Variants in PHACTR3 observed in about 807,000 individuals in gnomAD.
PHACTR3 encodes the protein phosphatase and actin regulator 3.
In PHACTR3, 16 loss-of-function variants were observed where a neutral mutation model predicts 66.8. The observed-to-expected ratio is 0.24, with a 90% CI of 0.16 to 0.36. The LOEUF is 0.36. Among genes scored for constraint, PHACTR3 ranks in the 10% least tolerant of loss-of-function variants. The pLI, the probability that PHACTR3 is intolerant of heterozygous loss-of-function variation, is 1.00. For missense variants in PHACTR3, 647 were observed against 719.9 expected (o/e 0.90, Z 1.16); for synonymous variants, 323 against 292.1 (o/e 1.11, Z -1.08).
At chr20:59,673,576 T>A (rs893483693) in intron 1 of PHACTR3, among the ~76,000 whole-genome samples, 1 of 152,092 alleles carries the variant, frequency 6.6e-6, no homozygotes, top group Non-Finnish European at 1.5e-5. Context: ...TGGCAGCACC[T>A]GGGGCTCCCA....
At chr20:59,717,966 A>G (rs1184937907) in intron 1 of PHACTR3, among the ~76,000 whole-genome samples, 2 of 152,332 alleles carry the variant, frequency 1.3e-5, no homozygotes, top group East Asian at 3.9e-4. Context: ...AGGTTCACAG[A>G]TACAGCTAAG....
Position 59,785,862 on chromosome 20 carries a change from CTT to C in PHACTR3, c.1174+11373_1174+11374del, listed in dbSNP as rs1491280843. Among the ~76,000 whole-genome samples the C allele has an allele frequency of 6.4e-3, 962 of 150,396 alleles. 8 individuals are homozygous for C. Among genetic ancestry groups the C allele is most frequent in the African/African-American group, 0.022 (896 of 40,282 alleles). ...TTCCAGCAGCCCTCTGCATCCCCTG[CTT>C]CTGCATCCCCTACTTCATTTTGTTT... On this transcript the variant is annotated intron_variant, in intron 7 of 12. Coordinates refer to ENST00000371015, the MANE Select transcript of PHACTR3 (RefSeq NM_080672.5).
At chr20:59,828,670 C>A (rs2042261747) in intron 8 of PHACTR3, among the ~76,000 whole-genome samples, 1 of 151,862 alleles carries the variant, frequency 6.6e-6, no homozygotes, top group Admixed American at 6.6e-5. Flanking sequence ...TTGGTAAATG[C>A]AGCTCGACGT....
rs150726375 is a variant in PHACTR3 at position 59,732,869 on chromosome 20, G to C, written c.119-10238G>C. ...AGGAGGAAGCGGACCCTAAGTCTAG[G>C]AATTGCATTGTGCAGTTGTTGAGGT... On this transcript the variant is annotated intron_variant, in intron 1 of 12. Transcript: ENST00000371015. Among the ~76,000 whole-genome samples, 433 of 152,206 alleles carry C rather than the reference G, an allele frequency of 2.8e-3. 1 individual carries two copies. Among genetic ancestry groups the C allele is most frequent in the Admixed American group, 0.021 (323 of 15,298 alleles).
chr20:59,752,350 C>T (rs564898330), intron 3 of PHACTR3, among the ~76,000 whole-genome samples: 2 of 152,226 alleles, frequency 1.3e-5, no homozygotes, highest in Admixed American at 6.5e-5. Flanking sequence ...CACTGCCCCG[C>T]GCTCCCCTCT....
chr20:59,598,587 A>G (rs1379509461), intron 1 of PHACTR3, among the ~76,000 whole-genome samples: 1 of 152,216 alleles, frequency 6.6e-6, no homozygotes, highest in African/African-American at 2.4e-5. Context: ...GGCAGAGGCC[A>G]TGAATGGTGA....
intron 1 of PHACTR3, among the ~76,000 whole-genome samples, chr20:59,666,210 G>A (rs993297765): frequency 2.6e-5 from 4 of 152,178 alleles, no homozygotes; most frequent in Non-Finnish European, 5.9e-5. Context: ...CACCCCATGG[G>A]GTTAGCTCCA....
intron 1 of PHACTR3, among the ~76,000 whole-genome samples, chr20:59,721,739 T>C (rs563388246): frequency 6.6e-6 from 1 of 152,248 alleles, no homozygotes; most frequent in Admixed American, 6.5e-5. Flanking sequence ...GCCTGGGGGC[T>C]TCCCATCCTG....
At chr20:59,657,101 A>G (rs1446007785) in intron 1 of PHACTR3, among the ~76,000 whole-genome samples, 1 of 151,952 alleles carries the variant, frequency 6.6e-6, no homozygotes, top group Non-Finnish European at 1.5e-5. Context: ...CTTTTAATTT[A>G]CCATTTCCGG....
At chr20:59,670,005 A>G (rs2036136975) in intron 1 of PHACTR3, among the ~76,000 whole-genome samples, 2 of 152,152 alleles carry the variant, frequency 1.3e-5, no homozygotes, top group African/African-American at 4.8e-5. Flanking sequence ...GTGCCCAGTG[A>G]ATATTTATTG....
chr20:59,751,759 G>T (rs948320916), intron 3 of PHACTR3, among the ~76,000 whole-genome samples: 1 of 152,076 alleles, frequency 6.6e-6, no homozygotes, highest in Admixed American at 6.5e-5. Context: ...TACATGACTA[G>T]ATGTGTGCAG....
At chr20:59,697,449 A>C (rs2037340361) in intron 1 of PHACTR3, among the ~76,000 whole-genome samples, 1 of 152,192 alleles carries the variant, frequency 6.6e-6, no homozygotes, top group African/African-American at 2.4e-5. Flanking sequence ...GGCCCCTAAC[A>C]AATGTCAAAG....
rs2042292325 is a variant in PHACTR3 at position 59,829,635 on chromosome 20, G to T, written c.1329-6870G>T. ...GCTGGGGAATCCCATCTCCAGGCGG[G>T]GGCCGCCAGCTTTTCTCAGTGACTC... On this transcript the variant is annotated intron_variant, in intron 8 of 12. Transcript: ENST00000371015. This position sits in a 1 kb window ranked among gnomAD's most constrained non-coding sequence, Gnocchi z 4.2. Among the ~76,000 whole-genome samples, 1 of 152,092 alleles carries T rather than the reference G, an allele frequency of 6.6e-6. No homozygotes were observed. Among genetic ancestry groups the T allele is most frequent in the South Asian group, 2.1e-4 (1 of 4,826 alleles).
intron 7 of PHACTR3, 96 bp from the exon 8 acceptor site, chr20:59,805,945 T>C (rs1461217424): frequency 1.1e-5 from 15 of 1,362,412 alleles, no homozygotes; most frequent in Non-Finnish European, 1.5e-5. Context: ...GAGTCCTTCC[T>C]CTGGCAGGTG....
At chr20:59,673,464 C>G (rs1319116393) in intron 1 of PHACTR3, among the ~76,000 whole-genome samples, 1 of 152,220 alleles carries the variant, frequency 6.6e-6, no homozygotes, top group East Asian at 1.9e-4. Context: ...CCCAGGTCAG[C>G]AGCACGACAA....
At chr20:59,802,267 G>A (rs1437733421) in intron 7 of PHACTR3, among the ~76,000 whole-genome samples, 1 of 152,202 alleles carries the variant, frequency 6.6e-6, no homozygotes, top group Non-Finnish European at 1.5e-5. Flanking sequence ...TGGGACACAG[G>A]AGGTCATATA....
chr20:59,714,638 T>A (rs980189578), intron 1 of PHACTR3, among the ~76,000 whole-genome samples: 3 of 152,238 alleles, frequency 2.0e-5, no homozygotes, highest in Admixed American at 1.3e-4. Flanking sequence ...TTGTTTTTTT[T>A]CTTCAAGATC....
At chr20:59,767,140 G>T in intron 4 of PHACTR3, 46 bp from the exon 5 acceptor site, 1 of 1,593,760 alleles carries the variant, frequency 6.3e-7, no homozygotes, top group Non-Finnish European at 8.6e-7. Context: ...TTCCACTGCT[G>T]TCAGAGGAAA....
rs145203865 is a variant in PHACTR3 at position 59,728,458 on chromosome 20, T to C, written c.119-14649T>C. ...AGGGGGAAAAAAACCTGCACACGAA[T>C]GTCCAATAGCAGCACTGTTGTTCAC... On this transcript the variant is annotated intron_variant, in intron 1 of 12. Transcript: ENST00000371015. Among the ~76,000 whole-genome samples, 145 of 152,246 alleles carry C rather than the reference T, an allele frequency of 9.5e-4. 2 individuals are homozygous for C. The East Asian group carries it at 0.013, about 14-fold the overall frequency.
Sources: allele counts gnomAD v4.1 joint callset (sites outside exome capture counted in the v4.1 genomes callset), GRCh38; gene constraint gnomAD v4.1.1; non-coding constraint Gnocchi (gnomAD v3.1); transcripts MANE v1.5; gene names NCBI Gene and HGNC (gene_info 2026-07-23, HGNC 2026-07-21).